Variants in ARID3A observed in about 807,000 individuals in gnomAD.
ARID3A encodes the protein AT-rich interactive domain-containing protein 3A.
In ARID3A, 11 loss-of-function variants were observed where a neutral mutation model predicts 52.7. The ratio of observed to expected loss-of-function variants is 0.21; its 90% CI spans 0.13 to 0.35. The LOEUF (loss-of-function observed/expected upper bound fraction) is 0.35. Ranked by LOEUF, ARID3A falls within the 10% of genes least tolerant of loss-of-function variation. The probability of loss-of-function intolerance (pLI) is 1.00; values close to 1 mark genes in which losing one functional copy is unlikely to be tolerated. For missense variants in ARID3A, 721 were observed against 838.5 expected (o/e 0.86, Z 1.73); for synonymous variants, 404 against 359.4 (o/e 1.12, Z -1.40).
chr19:933,408 G>A (rs2037374281), intron 3 of ARID3A, among the ~76,000 whole-genome samples: 1 of 152,118 alleles, frequency 6.6e-6, no homozygotes, highest in Non-Finnish European at 1.5e-5. Context: ...TTGAAGTTGG[G>A]CCGTGCTGGG....
rs1016576126 is a variant in ARID3A, at chr19:941,120, C to T, written c.693+8378C>T. The stretch of plus-strand genomic sequence containing the variant: ...CACCCTGGTGGCTGCTGCCAAGCGC[C>T]GGCCCCGCCCCATGCTTTCTAATAA... On this transcript the variant is annotated intron_variant, in intron 3 of 8. Coordinates refer to ENST00000263620, the MANE Select transcript of ARID3A (RefSeq NM_005224.3). The surrounding 1 kb of genome is among the most constrained non-coding windows in gnomAD (Gnocchi z 6.9). Among the ~76,000 whole-genome samples, 2 of 152,176 alleles carry T rather than the reference C, an allele frequency of 1.3e-5. No individual in the cohort carries two copies. Among genetic ancestry groups the T allele is most frequent in the African/African-American group, 2.4e-5 (1 of 41,458 alleles).
intron 3 of ARID3A, among the ~76,000 whole-genome samples, chr19:933,750 G>C (rs1382284369): frequency 6.6e-6 from 1 of 150,928 alleles, no homozygotes; most frequent in African/African-American, 2.4e-5. Context: ...GCCCTCAAGA[G>C]ACTTAAGGTT....
rs535345594 is a variant in ARID3A, at chr19:933,856, G to T, written c.693+1114G>T. Among the ~76,000 whole-genome samples, 108 of 143,210 alleles carry T rather than the reference G, an allele frequency of 7.5e-4. 1 individual carries two copies. The highest frequency in any genetic ancestry group is 3.6e-3 in the Middle Eastern group (1 of 278). The allele number at this position is 143,210 out of a possible 152,430, so 94.0% of individuals were successfully genotyped here. ...GCGGCGGGGACTCGGTGGGGGGGGG[G>T]GGCGTCTCGCTGATTCCACCCTGCT... On this transcript the variant is annotated intron_variant, in intron 3 of 8. Transcript: ENST00000263620.
chr19:954,785 C>G (rs761749527), intron 3 of ARID3A, among the ~76,000 whole-genome samples: 3 of 129,904 alleles, frequency 2.3e-5, no homozygotes. Flanking sequence ...GCCTCGCAGA[C>G]GGGAGGAACA....
At position 965,052 on chromosome 19, in the gene ARID3A, C is replaced by T. The variant is rs1484197759; in HGVS notation, c.1170C>T (p.Ser390=). 4.3e-6 allele frequency: 7 copies of T among 1,612,000 alleles called. No homozygotes were observed. In the African/African-American group the frequency reaches 6.7e-5, roughly 15 times the overall value. Residue 390 remains serine (S), a synonymous_variant, in exon 6 of 9, where the codon TCC becomes TCT. Transcript: ENST00000263620. ...LGLAASTNGS[S]ITPAPKIKKE... is the part of the protein sequence containing the mutation. ...TGGCCGCAAGCACCAATGGCAGCTC[C>T]ATCACCCCCGCCCCTAAGATCAAGA...
intron 7 of ARID3A, 130 bp from the exon 8 acceptor site, chr19:968,275 C>T (rs1489796847): frequency 4.5e-4 from 300 of 659,478 alleles, no homozygotes; most frequent in Non-Finnish European, 6.5e-4. Context: ...AGGAGAATGG[C>T]GTGAACCCAG....
In ARID3A at chr19:975,130, AC is replaced by A. The variant is rs942467044; in HGVS notation, c.*3072del. The A allele has an allele frequency of 3.5e-5, 8 of 229,456 alleles. No homozygotes were observed. The highest frequency in any genetic ancestry group is 6.3e-5 in the East Asian group (1 of 15,980). 14.2% of individuals were successfully genotyped at this position (229,456 alleles called of 1,614,324 possible). Reference sequence around the variant, plus strand: ...GTGGCTTTCTGGGGTGCAGCTCAGCACCCCCCCTTATGCAGACTGGGAGGGG... The same window carrying A: ...GTGGCTTTCTGGGGTGCAGCTCAGCACCCCCCTTATGCAGACTGGGAGGGG... On this transcript the variant is annotated 3_prime_UTR_variant, in exon 9 of 9. Coordinates refer to ENST00000263620, the MANE Select transcript of ARID3A (RefSeq NM_005224.3).
rs979469837 is a variant in ARID3A at position 930,015 on chromosome 19, G to A, written c.368+119G>A. On this transcript the variant is annotated intron_variant, in intron 2 of 8. Coordinates refer to ENST00000263620, the MANE Select transcript of ARID3A (RefSeq NM_005224.3). The stretch of plus-strand genomic sequence containing the variant: ...GCGGGATCTCCTTCCTGTAATTCCA[G>A]CAGTTTGAGAGGCCGACGTGGGAGG... The A allele has an allele frequency of 1.1e-5, 15 of 1,422,092 alleles. No homozygotes were observed. In the African/African-American group the frequency reaches 1.9e-4, roughly 18 times the overall value. The allele number at this position is 1,422,092 out of a possible 1,614,324, so 88.1% of individuals were successfully genotyped here.
Position 941,045 on chromosome 19 carries a change from C to T in ARID3A, c.693+8303C>T, listed in dbSNP as rs963529748. ...CACCGCCTGGCCGTCGGGTCACCGCCGCGGGGTCACCGCCGCCGCGGCCTG... is the reference window on the plus strand; with the variant it reads ...CACCGCCTGGCCGTCGGGTCACCGCTGCGGGGTCACCGCCGCCGCGGCCTG... On this transcript the variant is annotated intron_variant, in intron 3 of 8. Transcript: ENST00000263620. This position sits in a 1 kb window ranked among gnomAD's most constrained non-coding sequence, Gnocchi z 6.9. Among the ~76,000 whole-genome samples the T allele has an allele frequency of 6.6e-6, 1 of 152,036 alleles. No homozygotes were observed. Among genetic ancestry groups the T allele is most frequent in the African/African-American group, 2.4e-5 (1 of 41,408 alleles).
At chr19:950,927 A>G (rs915513550) in intron 3 of ARID3A, among the ~76,000 whole-genome samples, 1 of 151,910 alleles carries the variant, frequency 6.6e-6, no homozygotes, top group Non-Finnish European at 1.5e-5. Flanking sequence ...GGTTCAAACT[A>G]TTCTCCTGCC....
chr19:952,441 CAAAAAAAA>C (rs10663796), intron 3 of ARID3A, among the ~76,000 whole-genome samples: 3,616 of 59,792 alleles, frequency 0.06, 113 homozygotes, highest in Admixed American at 0.18. Flanking sequence ...GACCCTGTCT[CAAAAAAAA>C]AAAAAAAAAA....
chr19:963,131 G>A (rs1387505886), intron 4 of ARID3A, among the ~76,000 whole-genome samples: 1 of 152,146 alleles, frequency 6.6e-6, no homozygotes, highest in Non-Finnish European at 1.5e-5. Flanking sequence ...CAGGCAGAGG[G>A]CCGGCTGCTC....
rs1178025320 is a variant in ARID3A, at chr19:944,273, C to T, written c.693+11531C>T. ...GAGGGCGGGCCTGTCTCGCCGTTATCTCCCAGGCGTGTCTGCTCCCCGTGT... is the reference window on the plus strand; with the variant it reads ...GAGGGCGGGCCTGTCTCGCCGTTATTTCCCAGGCGTGTCTGCTCCCCGTGT... On this transcript the variant is annotated intron_variant, in intron 3 of 8. Transcript: ENST00000263620. The surrounding 1 kb of genome is among the most constrained non-coding windows in gnomAD (Gnocchi z 5.9). 6.6e-6 allele frequency among the ~76,000 whole-genome samples: 1 copy of T among 151,914 alleles called. No homozygotes were observed. The highest frequency in any genetic ancestry group is 1.5e-5 in the Non-Finnish European group (1 of 68,026).
At chr19:963,868 C>T (rs79249343) in intron 4 of ARID3A, among the ~76,000 whole-genome samples, 1 of 152,200 alleles carries the variant, frequency 6.6e-6, no homozygotes, top group Non-Finnish European at 1.5e-5. Flanking sequence ...GTGGAGGGAA[C>T]AGGCCTCTGG....
At position 946,459 on chromosome 19, in the gene ARID3A, T is replaced by C. The variant is rs2037683244; in HGVS notation, c.694-13633T>C. Among the ~76,000 whole-genome samples the C allele has an allele frequency of 2.1e-5, 3 of 139,962 alleles. No homozygotes were observed. The South Asian group carries it at 7.0e-4, about 32-fold the overall frequency. 91.8% of individuals were successfully genotyped at this position (139,962 alleles called of 152,430 possible). A position where few individuals can be genotyped will look rare whatever the true frequency, so the allele number is the denominator to read the frequency against. On this transcript the variant is annotated intron_variant, in intron 3 of 8. Coordinates refer to ENST00000263620, the MANE Select transcript of ARID3A (RefSeq NM_005224.3). ...TGAATCTTTTTTTTTTTTTTTTTTTTTGAGACGGAGTCTCACTGTCTCCCA... is the reference window on the plus strand; with the variant it reads ...TGAATCTTTTTTTTTTTTTTTTTTTCTGAGACGGAGTCTCACTGTCTCCCA...
chr19:964,693 G>A lies in ARID3A; in HGVS notation c.951-140G>A. On this transcript the variant is annotated intron_variant, in intron 5 of 8. Transcript: ENST00000263620. The surrounding 1 kb of genome is among the most constrained non-coding windows in gnomAD (Gnocchi z 5.7). The stretch of plus-strand genomic sequence containing the variant: ...GATGGAGGGAATGGGCAAAGGCCCA[G>A]CAGCTCTGGGGGCTGCTGAGCAAGT... The A allele has an allele frequency of 7.2e-7, 1 of 1,397,614 alleles. No individual in the cohort carries two copies. Among genetic ancestry groups the A allele is most frequent in the Non-Finnish European group, 9.5e-7 (1 of 1,051,394 alleles). The allele number at this position is 1,397,614 out of a possible 1,614,324, so 86.6% of individuals were successfully genotyped here.
chr19:940,551 G>A (rs1336861403), intron 3 of ARID3A, among the ~76,000 whole-genome samples: 1 of 152,138 alleles, frequency 6.6e-6, no homozygotes, highest in Non-Finnish European at 1.5e-5. Flanking sequence ...CAACACTGCA[G>A]CTGGGCTTCT....
At chr19:963,393 T>G (rs992837997) in intron 4 of ARID3A, among the ~76,000 whole-genome samples, 2 of 152,202 alleles carry the variant, frequency 1.3e-5, no homozygotes, top group Non-Finnish European at 2.9e-5. Flanking sequence ...AGTGCAGAAT[T>G]TCACGGACAG....
chr19:961,113 C>T (rs1412816312), intron 4 of ARID3A, among the ~76,000 whole-genome samples: 3 of 152,216 alleles, frequency 2.0e-5, no homozygotes, highest in East Asian at 1.9e-4. Flanking sequence ...GAGCTAGCTC[C>T]GATCCCCACT....
Sources: gnomAD v4.1 joint callset for allele counts (sites outside exome capture counted in the v4.1 genomes callset) on GRCh38, gnomAD v4.1.1 for gene constraint, Gnocchi (gnomAD v3.1) non-coding constraint, MANE v1.5 for transcripts, NCBI Gene and HGNC (gene_info 2026-07-23, HGNC 2026-07-21) for gene names.